Variants in PCDHGA4 observed in about 807,000 individuals in gnomAD.
The protein encoded by PCDHGA4 is protocadherin gamma subfamily A, 4, also known as protocadherin gamma-A4.
PCDHGA4 carries 38 observed loss-of-function variants against 54.6 expected under a neutral mutation model. The ratio of observed to expected loss-of-function variants is 0.70; its 90% CI spans 0.54 to 0.91. The LOEUF is 0.91. PCDHGA4 is among the 40% of genes least tolerant of loss of function. The pLI, the probability that PCDHGA4 is intolerant of heterozygous loss-of-function variation, is 0.00. For missense variants in PCDHGA4, 1,298 were observed against 1,220.9 expected, an observed-to-expected ratio of 1.06 and a Z score of -0.94; for synonymous variants, 511 against 512.9, an observed-to-expected ratio of 1.00 and a Z score of 0.05.
At chr5:141,502,946 C>T (rs900624216) in intron 2 of PCDHGA4, among the ~76,000 whole-genome samples, 13 of 145,572 alleles carry the variant, frequency 8.9e-5, no homozygotes, top group African/African-American at 2.6e-4. Flanking sequence ...TGGGTTCAAG[C>T]GATTCTCCTG....
chr5:141,496,251 G>A (rs746722054), intron 2 of PCDHGA4, among the ~76,000 whole-genome samples: 7 of 152,150 alleles, frequency 4.6e-5, no homozygotes, highest in African/African-American at 7.2e-5. Context: ...TGAAGGGGAG[G>A]GAAACTTCAG....
At position 141,485,120 on chromosome 5, in the gene PCDHGA4, G is replaced by T; in HGVS notation, c.2515-9687G>T. The T allele has an allele frequency of 7.4e-7, 1 of 1,348,050 alleles. No individual in the cohort carries two copies. Among genetic ancestry groups the T allele is most frequent in the Non-Finnish European group, 1.0e-6 (1 of 952,710 alleles). 83.5% of individuals were successfully genotyped at this position (1,348,050 alleles called of 1,614,324 possible). On this transcript the variant is annotated intron_variant, in intron 1 of 3. Transcript: ENST00000571252. The surrounding 1 kb of genome is among the most constrained non-coding windows in gnomAD (Gnocchi z 5.7). ...TCCAGCTGCTGTGGCTGTTTGGGGC[G>T]GGTCGGCTTCATCCGCGTCTCAGGA...
intron 3 of PCDHGA4, among the ~76,000 whole-genome samples, chr5:141,510,691 T>C (rs1013489554): frequency 4.6e-5 from 7 of 152,138 alleles, no homozygotes; most frequent in African/African-American, 1.7e-4. Flanking sequence ...GGAGGTTAGG[T>C]AGACTTGCCC....
At chr5:141,361,287 C>A (rs762239978) in intron 1 of PCDHGA4, 1 of 1,613,944 alleles carries the variant, frequency 6.2e-7, no homozygotes, top group South Asian at 1.1e-5. Flanking sequence ...AAGTTTACTG[C>A]CAAGTGTTGG....
intron 1 of PCDHGA4, chr5:141,415,014 C>T (rs747951360): frequency 1.2e-6 from 2 of 1,613,620 alleles, no homozygotes; most frequent in Non-Finnish European, 1.7e-6. Context: ...ACCGTCTGCT[C>T]AAGGCCAGCG....
intron 1 of PCDHGA4, chr5:141,392,883 TGGGAAATC>T (rs1224904365): frequency 3.1e-6 from 5 of 1,613,518 alleles, no homozygotes; most frequent in Non-Finnish European, 4.2e-6. Flanking sequence ...GGGAACGCTG[TGGGAAATC>T]GGGAGGGGAC....
chr5:141,415,029 G>A (rs777967290), intron 1 of PCDHGA4: 4 of 1,613,436 alleles, frequency 2.5e-6, no homozygotes, highest in Non-Finnish European at 3.4e-6. Flanking sequence ...CCAGCGAGCC[G>A]GGACTCTTCG....
chr5:141,357,656 A>G, intron 1 of PCDHGA4, 35 bp downstream of exon 1: 1 of 1,605,850 alleles, frequency 6.2e-7, no homozygotes, highest in Non-Finnish European at 8.5e-7. Flanking sequence ...TACCACACTG[A>G]AATATAGACA....
chr5:141,418,751 A>G (rs2096284782), intron 1 of PCDHGA4: 2 of 1,613,840 alleles, frequency 1.2e-6, no homozygotes, highest in African/African-American at 2.7e-5. Context: ...GGATTACACT[A>G]CAGGAAACAT....
In PCDHGA4 at chr5:141,431,320, C is replaced by A. The variant is rs993831541; in HGVS notation, c.2515-63487C>A. ...CCCTCATCGTGCAAAATGGAGCCGA[C>A]GGTAGTAAGTACCCCGAATTGGTGC... On this transcript the variant is annotated intron_variant, in intron 1 of 3. Transcript: ENST00000571252. This position sits in a 1 kb window ranked among gnomAD's most constrained non-coding sequence, Gnocchi z 4.8. 1 of 1,614,102 alleles carries A rather than the reference C, an allele frequency of 6.2e-7. No individual in the cohort carries two copies. The highest frequency in any genetic ancestry group is 1.7e-5 in the Admixed American group (1 of 60,032).
rs1408248560 is a variant in PCDHGA4 at position 141,475,829 on chromosome 5, G to C, written c.2515-18978G>C. On this transcript the variant is annotated intron_variant, in intron 1 of 3. Coordinates refer to ENST00000571252, the MANE Select transcript of PCDHGA4 (RefSeq NM_018917.4). ...AAAGTGAAGTTCCTGGCGCTAGCGC[G>C]TGTCCTGCTCAGAGAGCCCGGCGCT... The C allele has an allele frequency of 1.0e-5, 4 of 386,748 alleles. No individual in the cohort carries two copies. In the South Asian group the frequency reaches 1.4e-4, roughly 14 times the overall value. The allele number at this position is 386,748 out of a possible 1,614,324, so 24.0% of individuals were successfully genotyped here. A position where few individuals can be genotyped will look rare whatever the true frequency, so the allele number is the denominator to read the frequency against.
At chr5:141,497,827 C>T (rs1390986916) in intron 2 of PCDHGA4, among the ~76,000 whole-genome samples, 3 of 152,188 alleles carry the variant, frequency 2.0e-5, no homozygotes, top group East Asian at 3.9e-4. Flanking sequence ...GGTGTGATCG[C>T]CCCCGGCCAC....
chr5:141,467,506 G>A (rs1364362269), intron 1 of PCDHGA4, among the ~76,000 whole-genome samples: 1 of 152,094 alleles, frequency 6.6e-6, no homozygotes, highest in Non-Finnish European at 1.5e-5. Flanking sequence ...TGATCTAATT[G>A]GAGTTTATTC....
chr5:141,405,677 C>T (rs1204978047), intron 1 of PCDHGA4, among the ~76,000 whole-genome samples: 3 of 152,088 alleles, frequency 2.0e-5, no homozygotes, highest in African/African-American at 7.2e-5. Context: ...GGGGTGTCAC[C>T]ATGTTGGCCA....
intron 1 of PCDHGA4, among the ~76,000 whole-genome samples, chr5:141,407,629 G>A (rs1025838649): frequency 1.3e-5 from 2 of 151,940 alleles, no homozygotes; most frequent in African/African-American, 4.8e-5. Context: ...TCTATATCTC[G>A]TATTACTTAA....
intron 1 of PCDHGA4, chr5:141,374,330 A>T: frequency 6.2e-7 from 1 of 1,613,990 alleles, no homozygotes; most frequent in Non-Finnish European, 8.5e-7. Flanking sequence ...GCGAAACGGC[A>T]GCTTGGTCAC....
chr5:141,493,052 T>G lies in PCDHGA4; in HGVS notation c.2515-1755T>G, dbSNP rs1362566525. 6.6e-6 allele frequency among the ~76,000 whole-genome samples: 1 copy of G among 152,104 alleles called. No individual in the cohort carries two copies. The highest frequency in any genetic ancestry group is 2.4e-5 in the African/African-American group (1 of 41,416). Reference sequence around the variant, plus strand: ...CTTATGTGTGAGGAAACTACAATAGTAAAAAACACAAGTTTCTCCAACTCC... The same window carrying G: ...CTTATGTGTGAGGAAACTACAATAGGAAAAAACACAAGTTTCTCCAACTCC... On this transcript the variant is annotated intron_variant, in intron 1 of 3. Coordinates refer to ENST00000571252, the MANE Select transcript of PCDHGA4 (RefSeq NM_018917.4). This position sits in a 1 kb window ranked among gnomAD's most constrained non-coding sequence, Gnocchi z 4.3.
intron 1 of PCDHGA4, chr5:141,393,206 A>C (rs774279389): frequency 1.2e-6 from 2 of 1,613,470 alleles, no homozygotes; most frequent in African/African-American, 1.3e-5. Context: ...ATAATAACCC[A>C]AAATTCCAGG....
intron 1 of PCDHGA4, chr5:141,419,465 G>A (rs568864628): frequency 1.9e-6 from 3 of 1,612,544 alleles, no homozygotes; most frequent in South Asian, 1.1e-5. Context: ...GCAGGCCCGC[G>A]ACCAGGGCTC....
Sources: gnomAD v4.1 joint callset for allele counts (sites outside exome capture counted in the v4.1 genomes callset) on GRCh38, gnomAD v4.1.1 for gene constraint, Gnocchi (gnomAD v3.1) non-coding constraint, MANE v1.5 for transcripts, NCBI Gene and HGNC (gene_info 2026-07-23, HGNC 2026-07-21) for gene names.